Variants in HPN observed in about 807,000 individuals in gnomAD.
HPN encodes hepsin.
In HPN, 13 loss-of-function variants were observed where a neutral mutation model predicts 55.9. That is an observed-to-expected ratio of 0.23 (90% confidence interval 0.15 to 0.37). The LOEUF is 0.37. HPN is among the 10% of genes least tolerant of loss of function. HPN has a pLI of 1.00. For missense variants in HPN, 451 were observed against 575.8 expected (o/e 0.78, Z 2.22); for synonymous variants, 225 against 240.3 (o/e 0.94, Z 0.59).
Position 35,060,629 on chromosome 19 carries a change from G to A in HPN, c.623G>A (p.Arg208Gln), listed in dbSNP as rs761123733. ...VLTAAHCFPE[R>Q]NRVLSRWRVF... ...CCCTCCACCCCTTTCCCTGGTAGGC[G>A]GAACCGGGTCCTGTCCCGATGGCGA... The change falls in exon 9 of 13, where the codon CGG becomes CAG. Residue 208 changes from arginine to glutamine, a missense_variant and splice_region_variant. Physicochemically the swap from Arg to Gln is conservative, Grantham distance 43. Coordinates refer to ENST00000672452, the MANE Select transcript of HPN (RefSeq NM_001384133.1). 7 of 1,613,692 alleles carry A rather than the reference G, an allele frequency of 4.3e-6. No individual in the cohort carries two copies. The highest frequency in any genetic ancestry group is 5.9e-6 in the Non-Finnish European group (7 of 1,180,044).
At chr19:35,060,924 A>C in intron 9 of HPN, 107 bp downstream of exon 9, 1 of 927,238 alleles carries the variant, frequency 1.1e-6, no homozygotes, top group Non-Finnish European at 1.6e-6. Flanking sequence ...CATCCTTGGC[A>C]ATAAGGGGAA....
At position 35,049,444 on chromosome 19, in the gene HPN, C is replaced by G. The variant is rs199604357; in HGVS notation, c.119-31C>G. The G allele has an allele frequency of 1.9e-6, 3 of 1,613,326 alleles. No homozygotes were observed. In the African/African-American group the frequency reaches 4.0e-5, roughly 22 times the overall value. On this transcript the variant is annotated intron_variant, in intron 3 of 12. Transcript: ENST00000672452. ...TCCCCTGGCCCCTGCAGCCTCCAGCCTGCCTGCCCTCACCCCTCCCTTCTC... is the reference window on the plus strand; with the variant it reads ...TCCCCTGGCCCCTGCAGCCTCCAGCGTGCCTGCCCTCACCCCTCCCTTCTC...
rs2064535065 is a variant in HPN, at chr19:35,061,706, C to T, written c.811+889C>T. Among the ~76,000 whole-genome samples, 7 of 152,092 alleles carry T rather than the reference C, an allele frequency of 4.6e-5. No individual in the cohort carries two copies. In the South Asian group the frequency reaches 1.5e-3, roughly 32 times the overall value. ...GATTCATGCTACCACAAGGATGAAA[C>T]TTGAGAACAGTGCTGAATGAGACAA... On this transcript the variant is annotated intron_variant, in intron 9 of 12. Transcript: ENST00000672452.
At chr19:35,041,555 A>C (rs1038766850), upstream of HPN, 2 of 892,538 alleles carry the variant, frequency 2.2e-6, no homozygotes, top group Non-Finnish European at 2.7e-6. Flanking sequence ...AGACAGGCAC[A>C]CCTGGGTCCC....
chr19:35,052,534 C>CAAAAAAAAAA (rs5827918), intron 4 of HPN, among the ~76,000 whole-genome samples: 1 of 84,534 alleles, frequency 1.2e-5, no homozygotes, highest in Non-Finnish European at 2.4e-5. Context: ...GAGTCTGTCT[C>CAAAAAAAAAA]AAAAAAAAAA....
At chr19:35,046,948 C>CCTCCCGAGTAGCTGGGATTACA (rs2064347931) in intron 2 of HPN, among the ~76,000 whole-genome samples, 3 of 152,186 alleles carry the variant, frequency 2.0e-5, no homozygotes, top group African/African-American at 7.2e-5. Context: ...CCTGCCTCAG[C>CCTCCCGAGTAGCTGGGATTACA]CTCCCGAGTA....
At chr19:35,042,020 GTGT>G in intron 1 of HPN, 148 bp downstream of exon 1, 1 of 1,169,396 alleles carries the variant, frequency 8.6e-7, no homozygotes, top group Non-Finnish European at 1.1e-6. Flanking sequence ...AAGCACCTAG[GTGT>G]TCTGTCCTGC....
chr19:35,046,322 G>A (rs948590429), intron 2 of HPN, among the ~76,000 whole-genome samples: 19 of 151,664 alleles, frequency 1.3e-4, no homozygotes, highest in African/African-American at 4.6e-4. Flanking sequence ...TTGATTCACT[G>A]CAACCTCCAC....
chr19:35,063,224 C>T (rs1211809673), intron 9 of HPN, among the ~76,000 whole-genome samples: 1 of 152,234 alleles, frequency 6.6e-6, no homozygotes, highest in Non-Finnish European at 1.5e-5. Context: ...ATTCGTACAG[C>T]TGGTGAACGG....
chr19:35,065,683 T>G lies in HPN; in HGVS notation c.1050+2T>G. 1 of 1,613,974 alleles carries G rather than the reference T, an allele frequency of 6.2e-7. No individual in the cohort carries two copies. The highest frequency in any genetic ancestry group is 8.5e-7 in the Non-Finnish European group (1 of 1,179,972). ...GAGGGTGGCATTGATGCCTGCCAGGTGAGGGACTCTGTAGGGGCAGCCCCC... is the reference window on the plus strand; with the variant it reads ...GAGGGTGGCATTGATGCCTGCCAGGGGAGGGACTCTGTAGGGGCAGCCCCC... On this transcript the variant is annotated splice_donor_variant, in intron 11 of 12. Transcript: ENST00000672452. LOFTEE classifies it high-confidence loss of function.
chr19:35,064,476 G>A (rs1243928685), intron 9 of HPN, among the ~76,000 whole-genome samples: 1 of 151,744 alleles, frequency 6.6e-6, no homozygotes. Flanking sequence ...AGCCTCCTGA[G>A]TAGCTGGGAT....
chr19:35,061,844 T>C (rs1489559485), intron 9 of HPN, among the ~76,000 whole-genome samples: 2 of 152,032 alleles, frequency 1.3e-5, no homozygotes, highest in African/African-American at 4.8e-5. Context: ...GATGGGAGGA[T>C]TGTTTGTGCT....
At chr19:35,041,410 T>C (rs2305750), upstream of HPN, among the ~76,000 whole-genome samples, 54,230 of 151,436 alleles carry the variant, frequency 0.36, 9,831 homozygotes, top group Middle Eastern at 0.5. Context: ...GTTCGCTGGG[T>C]GAGGGTGGAG....
chr19:35,042,837 G>C (rs1398840310), intron 2 of HPN, among the ~76,000 whole-genome samples: 1 of 152,154 alleles, frequency 6.6e-6, no homozygotes, highest in African/African-American at 2.4e-5. Flanking sequence ...AGCTGTAGCT[G>C]TCATGGTTAA....
chr19:35,064,257 C>T (rs1270205119), intron 9 of HPN, among the ~76,000 whole-genome samples: 1 of 152,048 alleles, frequency 6.6e-6, no homozygotes, highest in Non-Finnish European at 1.5e-5. Context: ...TCTCTGTAGA[C>T]CTGTGTATTT....
chr19:35,044,208 C>T (rs776621060), intron 2 of HPN, among the ~76,000 whole-genome samples: 10 of 152,110 alleles, frequency 6.6e-5, no homozygotes, highest in Non-Finnish European at 1.0e-4. Flanking sequence ...TTCAGAGAGC[C>T]GTTGTGGCTG....
rs369482778 is a variant in HPN, at chr19:35,065,532, C to A, written c.908-7C>A. The A allele has an allele frequency of 3.7e-5, 59 of 1,613,466 alleles. 1 individual carries two copies. The highest frequency in any genetic ancestry group is 2.1e-4 in the South Asian group (19 of 91,044). ...AGCTCTGGCCAGCCTTGCCTGCACA[C>A]CCCCAGGCCAACAGGCCGGGGTACT... On this transcript the variant is annotated splice_polypyrimidine_tract_variant and splice_region_variant and intron_variant, in intron 10 of 12. Coordinates refer to ENST00000672452, the MANE Select transcript of HPN (RefSeq NM_001384133.1).
In HPN at chr19:35,059,894, T is replaced by G; in HGVS notation, c.311T>G (p.Leu104Arg). The change falls in exon 6 of 13, where the codon CTG (leucine) becomes CGG (arginine). Residue 104 changes from leucine (L) to arginine (R), a missense_variant. Coordinates refer to ENST00000672452, the MANE Select transcript of HPN (RefSeq NM_001384133.1). ...CCCAGGGCACTGACCCACTCCGAGC[T>G]GGACGTGCGAACGGCGGGCGCCAAT... ...GFLRALTHSE[L>R]DVRTAGANGT... 6.6e-7 allele frequency: 1 copy of G among 1,509,510 alleles called. No individual in the cohort carries two copies. Among genetic ancestry groups the G allele is most frequent in the Non-Finnish European group, 8.9e-7 (1 of 1,129,312 alleles). 93.5% of individuals were successfully genotyped at this position (1,509,510 alleles called of 1,614,324 possible).
At chr19:35,046,891 C>T (rs974483045) in intron 2 of HPN, among the ~76,000 whole-genome samples, 5 of 152,214 alleles carry the variant, frequency 3.3e-5, no homozygotes, top group Admixed American at 2.6e-4. Flanking sequence ...TGCAGTGGCG[C>T]GATCTCGGCT....
Sources: allele counts gnomAD v4.1 joint callset (sites outside exome capture counted in the v4.1 genomes callset), GRCh38; gene constraint gnomAD v4.1.1; transcripts MANE v1.5; gene names NCBI Gene and HGNC (gene_info 2026-07-23, HGNC 2026-07-21).